Variants in NCL observed in about 807,000 individuals in gnomAD.
NCL encodes the protein nucleolin multifunctional protein.
A neutral mutation model predicts 77.7 loss-of-function variants in NCL; 4 were observed. The observed-to-expected ratio is 0.05, with a 90% confidence interval of 0.03 to 0.12. NCL has a LOEUF of 0.12. NCL is among the 10% of genes least tolerant of loss of function. NCL has a pLI of 1.00. For missense variants in NCL, 763 were observed against 860.9 expected (o/e 0.89, Z 1.42); for synonymous variants, 344 against 297.8 (o/e 1.16, Z -1.60).
In NCL at chr2:231,461,772, A is replaced by G. The variant is rs1422987279; in HGVS notation, c.381T>C (p.Ala127=). Residue 127 remains alanine (A), a synonymous_variant, in exon 3 of 14, where the codon GCT becomes GCC. Transcript: ENST00000322723. ...TCTTTGCCCCCTTGGCTGGGATGGC[A>G]GCACCCTTCTTACCAGGAGTTGCTA... The part of the protein sequence containing the change: ...ALVATPGKKG[A]AIPAKGAKNG... The G allele has an allele frequency of 6.2e-7, 1 of 1,614,174 alleles. No individual in the cohort carries two copies. The highest frequency in any genetic ancestry group is 1.1e-5 in the South Asian group (1 of 91,088).
At chr2:231,464,244 G>C in intron 1 of NCL, 92 bp downstream of exon 1, 3 of 1,523,168 alleles carry the variant, frequency 2.0e-6, no homozygotes, top group Non-Finnish European at 1.8e-6. Flanking sequence ...GAACGCGCCC[G>C]GGACTGCGCG....
At chr2:231,458,811 T>C (rs2046918474) in intron 7 of NCL, 190 bp downstream of exon 7, 1 of 588,404 alleles carries the variant, frequency 1.7e-6, no homozygotes, top group South Asian at 3.6e-5. Flanking sequence ...ATTTACACTA[T>C]AACACTGACA....
In NCL at chr2:231,464,382, T is replaced by G. The variant is rs2046980853; in HGVS notation, c.-29A>C. The G allele has an allele frequency of 1.3e-6, 2 of 1,597,878 alleles. No individual in the cohort carries two copies. Among genetic ancestry groups the G allele is most frequent in the Middle Eastern group, 1.7e-4 (1 of 6,060 alleles). ...GGCGGCGGAGTGTGAAGCGGACAAGTGGCGCAGATGAGTCCAGAAGAAGCC... is the reference window on the plus strand; with the variant it reads ...GGCGGCGGAGTGTGAAGCGGACAAGGGGCGCAGATGAGTCCAGAAGAAGCC... On this transcript the variant is annotated 5_prime_UTR_variant, in exon 1 of 14. Transcript: ENST00000322723.
rs1298306584 is a variant in NCL at position 231,460,478 on chromosome 2, C to T, written c.898G>A (p.Gly300Ser). 6.2e-7 allele frequency: 1 copy of T among 1,613,792 alleles called. No individual in the cohort carries two copies. Among genetic ancestry groups the T allele is most frequent in the Admixed American group, 1.7e-5 (1 of 60,018 alleles). The change falls in exon 5 of 14, where the codon GGC becomes AGC. Residue 300 changes from glycine (G) to serine (S), a missense_variant and splice_region_variant. By Grantham distance (56) the Gly-to-Ser change is moderately conservative. Around this residue, in one of 2 missense-constraint regions of NCL, gnomAD observed 590 missense variants for 570.5 expected, o/e 1.03. Transcript: ENST00000322723. ...APEAKKQKVE[G>S]TEPTTAFNLF... ...CATATCCCCTAATTCTGCAAGTTAC[C>T]TTCCACTTTCTGTTTCTTGGCTTCA...
Position 231,456,016 on chromosome 2 carries a change from G to A in NCL, c.1826C>T (p.Ser609Phe). The change falls in exon 12 of 14, where the codon TCC (serine) becomes TTC (phenylalanine). Residue 609 changes from serine to phenylalanine, a missense_variant. By Grantham distance (155) the Ser-to-Phe change is radical. Coordinates refer to ENST00000322723, the MANE Select transcript of NCL (RefSeq NM_005381.3). ...RIVTDRETGS[S>F]KGFGFVDFNS... The stretch of plus-strand genomic sequence containing the variant: ...TCACGCTTCCTTCCCTTACCCTTTG[G>A]AGGACCCAGTTTCCCGGTCAGTAAC... 1.2e-6 allele frequency: 2 copies of A among 1,614,152 alleles called. No homozygotes were observed. The highest frequency in any genetic ancestry group is 8.5e-7 in the Non-Finnish European group (1 of 1,180,030).
chr2:231,464,075 G>C (rs1172787632), intron 1 of NCL: 9 of 1,328,806 alleles, frequency 6.8e-6, no homozygotes, highest in Non-Finnish European at 7.8e-6. Context: ...TCTCCACCCC[G>C]AGGCCCAGCG....
rs2046932357 is a variant in NCL at position 231,460,127 on chromosome 2, ATGTAACGTGC to A, written c.1040+15_1040+24del. ...GAAAAGCATTAACAGACCCACGTGT[ATGTAACGTGC>A]AGTGAAGCACTTACCTAGTCATACC... On this transcript the variant is annotated intron_variant, in intron 6 of 13. Transcript: ENST00000322723. 6.3e-7 allele frequency: 1 copy of A among 1,599,752 alleles called. No individual in the cohort carries two copies. Among genetic ancestry groups the A allele is most frequent in the African/African-American group, 1.3e-5 (1 of 74,272 alleles).
chr2:231,454,185 CTT>C lies in NCL; in HGVS notation c.*1004_*1005del, dbSNP rs2046859825. On this transcript the variant is annotated 3_prime_UTR_variant, in exon 14 of 14. Coordinates refer to ENST00000322723, the MANE Select transcript of NCL (RefSeq NM_005381.3). ...TGCTTTTTGGGAGATGGGAGTCTCGCTTTGTTACCCAGCCTGGAGTATAGTAG... is the reference window on the plus strand; with the variant it reads ...TGCTTTTTGGGAGATGGGAGTCTCGCTGTTACCCAGCCTGGAGTATAGTAG... The C allele has an allele frequency of 4.6e-5, 7 of 152,222 alleles. No individual in the cohort carries two copies. In the South Asian group the frequency reaches 1.5e-3, roughly 32 times the overall value. 9.4% of individuals were successfully genotyped at this position (152,222 alleles called of 1,614,324 possible).
At chr2:231,458,888 GA>G (rs1318715443) in intron 7 of NCL, 112 bp downstream of exon 7, 7 of 1,219,690 alleles carry the variant, frequency 5.7e-6, no homozygotes, top group African/African-American at 1.6e-5. Flanking sequence ...GAAACCAAAG[GA>G]AAAAAATGAT....
Position 231,456,988 on chromosome 2 carries a change from G to A in NCL, c.1571+13C>T. ...TATAGCCTATAACTGATGATACAAA[G>A]GTATTATCTTACCCTTTAGATTTGC... On this transcript the variant is annotated intron_variant, in intron 10 of 13. Transcript: ENST00000322723. The A allele has an allele frequency of 6.2e-7, 1 of 1,613,504 alleles. No homozygotes were observed. Among genetic ancestry groups the A allele is most frequent in the Non-Finnish European group, 8.5e-7 (1 of 1,179,754 alleles).
rs1273367618 is a variant in NCL at position 231,464,410 on chromosome 2, G to A, written c.-57C>T. ...CGCAGATGAGTCCAGAAGAAGCCAA[G>A]CGACGGCGATGGCGGCCGCGGGTGC... On this transcript the variant is annotated 5_prime_UTR_variant, in exon 1 of 14. Coordinates refer to ENST00000322723, the MANE Select transcript of NCL (RefSeq NM_005381.3). 9 of 1,581,828 alleles carry A rather than the reference G, an allele frequency of 5.7e-6. No homozygotes were observed. The African/African-American group carries it at 1.1e-4, about 19-fold the overall frequency.
At chr2:231,455,863 T>TCTCTGTAAAGACAGAAG in intron 12 of NCL, 147 bp downstream of exon 12, 7 of 1,346,068 alleles carry the variant, frequency 5.2e-6, no homozygotes, top group Non-Finnish European at 6.4e-6. Flanking sequence ...ATGCTAGTTC[T>TCTCTGTAAAGACAGAAG]GTGAATTCTC....
intron 7 of NCL, 155 bp downstream of exon 7, chr2:231,458,844 AAC>A: frequency 1.2e-6 from 1 of 818,186 alleles, no homozygotes; most frequent in Non-Finnish European, 1.8e-6. Flanking sequence ...TACTCTTGTA[AAC>A]ACTGTAGCTC....
rs551909257 is a variant in NCL at position 231,455,251 on chromosome 2, T to A, written c.2073A>T (p.Arg691=). 38 of 1,613,910 alleles carry A rather than the reference T, an allele frequency of 2.4e-5. No homozygotes were observed. In the South Asian group the frequency reaches 4.2e-4, roughly 18 times the overall value. The change falls in exon 14 of 14, where the codon CGA becomes CGT. Residue 691 remains arginine, a synonymous_variant. Coordinates refer to ENST00000322723, the MANE Select transcript of NCL (RefSeq NM_005381.3). ...RGGFGGRGGF[R]GGRGGGGDHK... ...GGTCACCTCCTCCTCCTCTGCCTCC[T>A]CGGAAGCCTCCTCGCCCTACAGGAG...
chr2:231,462,582 A>C (rs774148553), intron 2 of NCL: 15 of 514,564 alleles, frequency 2.9e-5, no homozygotes, highest in South Asian at 2.1e-4. Context: ...AGCTACATTA[A>C]AATCCCGTAG....
chr2:231,461,559 G>GTCATCC lies in NCL; in HGVS notation c.588_593dup (p.Glu196_Asp197dup). 1 of 1,613,278 alleles carries GTCATCC rather than the reference G, an allele frequency of 6.2e-7. No homozygotes were observed. On this transcript the variant is annotated inframe_insertion, in exon 3 of 14. Coordinates refer to ENST00000322723, the MANE Select transcript of NCL (RefSeq NM_005381.3). The stretch of plus-strand genomic sequence containing the variant: ...CCTTACCATCTTCCTCATCGTCATC[G>GTCATCC]TCATCCTCATCATCTTCGTCATCCT...
At chr2:231,459,476 T>C (rs1424546466) in intron 6 of NCL, among the ~76,000 whole-genome samples, 1 of 152,094 alleles carries the variant, frequency 6.6e-6, no homozygotes, top group African/African-American at 2.4e-5. Flanking sequence ...TAGTTTCAGG[T>C]ACTTCCAAGA....
intron 3 of NCL, among the ~76,000 whole-genome samples, chr2:231,461,198 C>G (rs1436969157): frequency 6.6e-6 from 1 of 151,826 alleles, no homozygotes; most frequent in African/African-American, 2.4e-5. Context: ...ACTGCTTGAA[C>G]CCAGGAGATG....
chr2:231,459,013 C>T lies in NCL; in HGVS notation c.1153G>A (p.Asp385Asn). 3 of 1,593,518 alleles carry T rather than the reference C, an allele frequency of 1.9e-6. No homozygotes were observed. The highest frequency in any genetic ancestry group is 1.7e-6 in the Non-Finnish European group (2 of 1,172,300). The change falls in exon 7 of 14, where the codon GAC becomes AAC. Residue 385 changes from aspartate to asparagine, a missense_variant. This residue lies in a region of NCL where 590 missense variants were observed against 570.5 expected (regional missense o/e 1.03). Coordinates refer to ENST00000322723, the MANE Select transcript of NCL (RefSeq NM_005381.3). ...EIKLEKPKGK[D>N]SKKERDARTL... Reference sequence around the variant, plus strand: ...AAGCCTTACATACCTTTCTTACTGTCTTTTCCTTTTGGTTTCTCTAGTTTA... The same window carrying T: ...AAGCCTTACATACCTTTCTTACTGTTTTTTCCTTTTGGTTTCTCTAGTTTA...
Sources: allele counts gnomAD v4.1 joint callset (sites outside exome capture counted in the v4.1 genomes callset), GRCh38; gene constraint gnomAD v4.1.1; regional missense constraint gnomAD v4.1.1; transcripts MANE v1.5; gene names NCBI Gene and HGNC (gene_info 2026-07-23, HGNC 2026-07-21).